SLC24A2: variants seen among roughly 807,000 people sequenced by gnomAD.
The protein encoded by SLC24A2 is solute carrier family 24 member 2.
Under a neutral mutation model 62.0 loss-of-function variants are expected in SLC24A2, and 36 were observed. That is an observed-to-expected ratio of 0.58 (90% CI 0.44 to 0.77). The LOEUF is 0.77. SLC24A2 is among the 30% of genes least tolerant of loss of function. SLC24A2 has a pLI of 0.00. For synonymous variants in SLC24A2, 358 were observed against 294.0 expected (o/e 1.22, Z -2.23); for missense variants, 846 against 817.9 (o/e 1.03, Z -0.42).
chr9:19,893,245 C>A, the SLC24A2 span, among the ~76,000 whole-genome samples: 2 of 152,094 alleles, frequency 1.3e-5, no homozygotes, highest in Non-Finnish European at 2.9e-5. Context: ...CTTCCCTGCC[C>A]ATCATCAGAG....
the SLC24A2 span, among the ~76,000 whole-genome samples, chr9:20,198,596 T>C: frequency 2.0e-5 from 3 of 152,170 alleles, no homozygotes; most frequent in Non-Finnish European, 4.4e-5. Flanking sequence ...CATATACTCA[T>C]GGCTGGGTGG....
chr9:19,911,171 A>C, the SLC24A2 span, among the ~76,000 whole-genome samples: 1 of 146,858 alleles, frequency 6.8e-6, no homozygotes, highest in Non-Finnish European at 1.5e-5. Context: ...TGCGGTGTTT[A>C]GTTTTTTGTC....
the SLC24A2 span, among the ~76,000 whole-genome samples, chr9:20,027,949 C>T: frequency 2.0e-5 from 3 of 151,900 alleles, no homozygotes; most frequent in East Asian, 5.8e-4. Context: ...TTCAGTGATA[C>T]AATAAGTAAA....
chr9:20,274,676 C>A, the SLC24A2 span, among the ~76,000 whole-genome samples: 10 of 152,192 alleles, frequency 6.6e-5, no homozygotes, highest in Non-Finnish European at 1.5e-4. Context: ...GCTAGGCCTC[C>A]TGCCTTGTGC....
the SLC24A2 span, among the ~76,000 whole-genome samples, chr9:20,078,495 A>G: frequency 5.3e-5 from 8 of 152,176 alleles, no homozygotes; most frequent in Admixed American, 5.2e-4. Context: ...CAAGATGGTC[A>G]GGTTTATCTT....
intron 2 of SLC24A2, among the ~76,000 whole-genome samples, chr9:19,670,811 T>A (rs1258767693): frequency 6.6e-6 from 1 of 152,096 alleles, no homozygotes; most frequent in Non-Finnish European, 1.5e-5. Flanking sequence ...GGTTACCAGG[T>A]GGTAGAGGAA....
chr9:19,996,254 T>A, the SLC24A2 span, among the ~76,000 whole-genome samples: 1 of 152,198 alleles, frequency 6.6e-6, no homozygotes, highest in Non-Finnish European at 1.5e-5. Context: ...AACTTTTCTA[T>A]TCTGTTTTAG....
the SLC24A2 span, among the ~76,000 whole-genome samples, chr9:20,251,101 G>A: frequency 6.6e-6 from 1 of 152,192 alleles, no homozygotes; most frequent in African/African-American, 2.4e-5. Flanking sequence ...AAAAGGAAAA[G>A]CACATCTTCC....
At chr9:20,146,548 G>A in the SLC24A2 span, among the ~76,000 whole-genome samples, 1 of 152,164 alleles carries the variant, frequency 6.6e-6, no homozygotes, top group Non-Finnish European at 1.5e-5. Flanking sequence ...TGAGTATAGG[G>A]GAACATGCAG....
At chr9:20,162,475 G>A in the SLC24A2 span, among the ~76,000 whole-genome samples, 1 of 152,012 alleles carries the variant, frequency 6.6e-6, no homozygotes, top group Non-Finnish European at 1.5e-5. Flanking sequence ...CTCTGAAATT[G>A]TGGCAATAAT....
rs905129947 is a variant in SLC24A2, at chr9:19,786,461, T to C, written c.406A>G (p.Ile136Val). The part of the protein sequence containing the change: ...SLEERRKGAI[I>V]LHVIGMIYMF... ...TAGATCATTCCAATGACATGCAGAA[T>C]GATCGCACCTTTTCTTCTCTCCTCA... Residue 136 changes from isoleucine (I) to valine (V), a missense_variant, in exon 2 of 11, where the codon ATT (isoleucine) becomes GTT (valine). Transcript: ENST00000341998. The surrounding 1 kb of genome is among the most constrained non-coding windows in gnomAD (Gnocchi z 5.0). 5.0e-6 allele frequency: 8 copies of C among 1,614,158 alleles called. No individual in the cohort carries two copies. Among genetic ancestry groups the C allele is most frequent in the Middle Eastern group, 3.3e-4 (2 of 6,062 alleles).
At chr9:20,167,211 T>C in the SLC24A2 span, among the ~76,000 whole-genome samples, 1 of 152,108 alleles carries the variant, frequency 6.6e-6, no homozygotes, top group Non-Finnish European at 1.5e-5. Flanking sequence ...TTTGACTGTA[T>C]ACATTCTCAA....
At chr9:20,108,798 T>G in the SLC24A2 span, among the ~76,000 whole-genome samples, 2 of 152,072 alleles carry the variant, frequency 1.3e-5, no homozygotes, top group Non-Finnish European at 2.9e-5. Context: ...AGTATACATA[T>G]GTAACTAACC....
At chr9:19,588,853 T>C (rs778114426) in intron 5 of SLC24A2, among the ~76,000 whole-genome samples, 1 of 152,022 alleles carries the variant, frequency 6.6e-6, no homozygotes. Flanking sequence ...CCCAGCTACC[T>C]GGGAGGCTGA....
rs1823147219 is a variant in SLC24A2 at position 19,785,819 on chromosome 9, TCTG to T, written c.930+115_930+117del. 4.5e-6 allele frequency: 6 copies of T among 1,318,696 alleles called. No homozygotes were observed. The East Asian group carries it at 1.4e-4, about 31-fold the overall frequency. The allele number at this position is 1,318,696 out of a possible 1,614,324, so 81.7% of individuals were successfully genotyped here. A position where few individuals can be genotyped will look rare whatever the true frequency, so the allele number is the denominator to read the frequency against. ...AGCTATCACAGAACTGCAGAATCAA[TCTG>T]CTATCCACAAGAGCCCCAAACACCA... On this transcript the variant is annotated intron_variant, in intron 2 of 10. Transcript: ENST00000341998.
the SLC24A2 span, among the ~76,000 whole-genome samples, chr9:20,248,032 G>C: frequency 3.8e-4 from 58 of 152,334 alleles, no homozygotes; most frequent in African/African-American, 1.3e-3. Flanking sequence ...GTAAAGCAAA[G>C]AGCATGAAAG....
intron 2 of SLC24A2, among the ~76,000 whole-genome samples, chr9:19,670,839 C>T (rs1339787271): frequency 6.6e-6 from 1 of 152,168 alleles, no homozygotes; most frequent in Non-Finnish European, 1.5e-5. Context: ...TTTATCTGTG[C>T]TCGATGAACC....
chr9:20,077,874 T>G, the SLC24A2 span, among the ~76,000 whole-genome samples: 1 of 152,156 alleles, frequency 6.6e-6, no homozygotes, highest in East Asian at 1.9e-4. Context: ...TTCTACCCAT[T>G]TTATCTGTAA....
the SLC24A2 span, among the ~76,000 whole-genome samples, chr9:20,055,457 A>T: frequency 6.6e-6 from 1 of 152,146 alleles, no homozygotes; most frequent in African/African-American, 2.4e-5. Flanking sequence ...ACAACTGTTT[A>T]GTAGGGGGTG....
Sources: allele counts gnomAD v4.1 joint callset (sites outside exome capture counted in the v4.1 genomes callset), GRCh38; gene constraint gnomAD v4.1.1; non-coding constraint Gnocchi (gnomAD v3.1); transcripts MANE v1.5; gene names NCBI Gene and HGNC (gene_info 2026-07-23, HGNC 2026-07-21).